The following FMNL2 variants were observed in gnomAD, a reference collection of about 807,000 sequenced individuals.
FMNL2 encodes the protein formin-like protein 2.
In FMNL2, 51 loss-of-function variants were observed where a neutral mutation model predicts 130.2. The observed-to-expected ratio is 0.39, with a 90% CI of 0.31 to 0.49. The LOEUF (loss-of-function observed/expected upper bound fraction) is 0.49, where lower values mean the gene tolerates loss of function less well. FMNL2 is among the 20% of genes least tolerant of loss of function. The pLI is 0.85. For missense variants in FMNL2, 977 were observed against 1,316.2 expected (o/e 0.74, Z 3.99); for synonymous variants, 465 against 467.1 (o/e 1.00, Z 0.06).
chr2:152,359,457 T>A (rs1272515643), intron 1 of FMNL2, among the ~76,000 whole-genome samples: 1 of 150,356 alleles, frequency 6.7e-6, no homozygotes, highest in African/African-American at 2.4e-5. Flanking sequence ...ATTTCACAGT[T>A]GTAGCCGTTA....
chr2:152,629,323 T>G (rs1392325783), intron 18 of FMNL2, among the ~76,000 whole-genome samples: 2 of 152,156 alleles, frequency 1.3e-5, no homozygotes, highest in Non-Finnish European at 2.9e-5. Context: ...TTAGAGGTGG[T>G]AGGCAGGAAA....
At chr2:152,356,907 G>A (rs1267216464) in intron 1 of FMNL2, among the ~76,000 whole-genome samples, 3 of 148,868 alleles carry the variant, frequency 2.0e-5, no homozygotes, top group Non-Finnish European at 4.4e-5. Context: ...TGGCTGTGAG[G>A]CTGTGAGTTC....
chr2:152,405,065 A>G (rs546678620), intron 1 of FMNL2, among the ~76,000 whole-genome samples: 309 of 152,322 alleles, frequency 2.0e-3, no homozygotes, highest in African/African-American at 7.0e-3. Context: ...TGAGAAAGAA[A>G]GGATACATGC....
At chr2:152,594,882 C>G (rs1697669687) in intron 9 of FMNL2, among the ~76,000 whole-genome samples, 1 of 152,138 alleles carries the variant, frequency 6.6e-6, no homozygotes, top group African/African-American at 2.4e-5. Context: ...GAAACACACT[C>G]ACTAGAAGAA....
chr2:152,543,748 A>T (rs937289902), intron 3 of FMNL2, among the ~76,000 whole-genome samples: 3 of 150,490 alleles, frequency 2.0e-5, no homozygotes, highest in East Asian at 3.9e-4. Flanking sequence ...AAAAAAAAAA[A>T]AGTCCAGCAA....
intron 1 of FMNL2, among the ~76,000 whole-genome samples, chr2:152,496,483 G>C (rs1691524280): frequency 6.6e-6 from 1 of 152,124 alleles, no homozygotes. Flanking sequence ...TTTTCTCTTT[G>C]TAATTAGTGT....
At chr2:152,639,910 C>T in intron 23 of FMNL2, 48 bp from the exon 24 acceptor site, 3 of 1,490,042 alleles carry the variant, frequency 2.0e-6, no homozygotes, top group Non-Finnish European at 1.8e-6. Flanking sequence ...ATCTTGGCTG[C>T]TCTCATTTCC....
intron 17 of FMNL2, among the ~76,000 whole-genome samples, chr2:152,627,359 ATTC>A (rs1172753164): frequency 6.6e-6 from 1 of 152,226 alleles, no homozygotes; most frequent in Non-Finnish European, 1.5e-5. Flanking sequence ...GAATCCTTCT[ATTC>A]TTCTTGTGGC....
intron 1 of FMNL2, among the ~76,000 whole-genome samples, chr2:152,514,124 T>G (rs949792662): frequency 1.3e-5 from 2 of 152,100 alleles, no homozygotes; most frequent in Non-Finnish European, 2.9e-5. Context: ...TCAAGTGAAC[T>G]CAGGAGAATT....
intron 9 of FMNL2, among the ~76,000 whole-genome samples, chr2:152,605,319 C>T (rs200871195): frequency 4.1e-4 from 62 of 150,868 alleles, no homozygotes; most frequent in Admixed American, 8.6e-4. Flanking sequence ...TGTGTGTGTG[C>T]GTGTGTGTGT....
chr2:152,521,223 A>G (rs768715851), intron 1 of FMNL2, among the ~76,000 whole-genome samples: 8 of 152,194 alleles, frequency 5.3e-5, no homozygotes, highest in Admixed American at 2.6e-4. Flanking sequence ...GATTCATGAC[A>G]TGTGAAAGTA....
chr2:152,636,123 A>T (rs1433519831), intron 21 of FMNL2, among the ~76,000 whole-genome samples: 1 of 152,230 alleles, frequency 6.6e-6, no homozygotes, highest in African/African-American at 2.4e-5. Context: ...CACATTTGTT[A>T]CCTGAACTCC....
At chr2:152,535,020 G>A (rs1031079175) in intron 2 of FMNL2, among the ~76,000 whole-genome samples, 2 of 152,180 alleles carry the variant, frequency 1.3e-5, no homozygotes, top group Non-Finnish European at 2.9e-5. Context: ...CCAGTCTAGC[G>A]CAGAAATGGC....
rs1369845513 is a variant in FMNL2, at chr2:152,416,106, ACTT to A, written c.117+80389_117+80391del. Among the ~76,000 whole-genome samples the A allele has an allele frequency of 1.2e-4, 17 of 146,284 alleles. No homozygotes were observed. In the South Asian group the frequency reaches 3.0e-3, roughly 26 times the overall value. On this transcript the variant is annotated intron_variant, in intron 1 of 25. Transcript: ENST00000288670. ...GAGGGCTTTTCAGGATTGCAAAACT[ACTT>A]CTAGAGAGACTGGTGAGTAGAGGGA...
chr2:152,528,091 T>C (rs1242752230), intron 2 of FMNL2, among the ~76,000 whole-genome samples: 1 of 152,238 alleles, frequency 6.6e-6, no homozygotes, highest in East Asian at 1.9e-4. Context: ...TAGTTACCTT[T>C]CTTTTACAAT....
chr2:152,411,749 A>C (rs1210013405), intron 1 of FMNL2, among the ~76,000 whole-genome samples: 2 of 152,310 alleles, frequency 1.3e-5, no homozygotes, highest in Non-Finnish European at 2.9e-5. Context: ...CACTCTGAAC[A>C]GTGTATTTTA....
At chr2:152,377,343 C>CA (rs1345026010) in intron 1 of FMNL2, among the ~76,000 whole-genome samples, 9 of 152,140 alleles carry the variant, frequency 5.9e-5, no homozygotes, top group Non-Finnish European at 5.9e-5. Flanking sequence ...TTTTTAGTGT[C>CA]AAAATTCTCA....
chr2:152,584,434 T>C (rs940967516), intron 9 of FMNL2, among the ~76,000 whole-genome samples: 4 of 152,208 alleles, frequency 2.6e-5, no homozygotes, highest in Non-Finnish European at 4.4e-5. Context: ...GATGAAAGGA[T>C]TATCTTTGTT....
At position 152,625,107 on chromosome 2, in the gene FMNL2, C is replaced by T. The variant is rs1681687105; in HGVS notation, c.1838-331C>T. ...TAACATGAGTAATAATCTTTGCTCT[C>T]CAACACTTTTTATTTGTCCCAACCA... On this transcript the variant is annotated intron_variant, in intron 15 of 25. Coordinates refer to ENST00000288670, the MANE Select transcript of FMNL2 (RefSeq NM_052905.4). 1.3e-5 allele frequency: 3 copies of T among 232,150 alleles called. No individual in the cohort carries two copies. In the East Asian group the frequency reaches 2.5e-4, roughly 19 times the overall value. 14.4% of individuals were successfully genotyped at this position (232,150 alleles called of 1,614,324 possible).
Sources: gnomAD v4.1 joint callset for allele counts (sites outside exome capture counted in the v4.1 genomes callset) on GRCh38, gnomAD v4.1.1 for gene constraint, MANE v1.5 for transcripts, NCBI Gene and HGNC (gene_info 2026-07-23, HGNC 2026-07-21) for gene names.